The following CHST8 variants were observed in gnomAD, a reference collection of about 807,000 sequenced individuals.
CHST8 encodes carbohydrate sulfotransferase 8.
A neutral mutation model predicts 15.0 loss-of-function variants in CHST8; 10 were observed. That is an observed-to-expected ratio of 0.67 (90% confidence interval 0.41 to 1.13). The LOEUF (loss-of-function observed/expected upper bound fraction) is 1.13. Among genes scored for constraint, CHST8 ranks in the 50% most tolerant of loss-of-function variants. The pLI, the probability that CHST8 is intolerant of heterozygous loss-of-function variation, is 0.00. For missense variants in CHST8, 634 were observed against 608.2 expected (o/e 1.04, Z -0.45); for synonymous variants, 259 against 256.6 (o/e 1.01, Z -0.09).
At chr19:33,770,583 A>G (rs1225713913) in intron 3 of CHST8, among the ~76,000 whole-genome samples, 1 of 152,226 alleles carries the variant, frequency 6.6e-6, no homozygotes, top group Non-Finnish European at 1.5e-5. Flanking sequence ...TGCTCTGGCC[A>G]AAGGTTCACC....
chr19:33,669,522 C>T (rs1048735289), intron 2 of CHST8, among the ~76,000 whole-genome samples: 1 of 152,164 alleles, frequency 6.6e-6, no homozygotes, highest in African/African-American at 2.4e-5. Context: ...TCCTGCAAAG[C>T]TCCATTCTCT....
chr19:33,625,789 G>A (rs1460163669), intron 1 of CHST8, among the ~76,000 whole-genome samples: 1 of 152,148 alleles, frequency 6.6e-6, no homozygotes, highest in East Asian at 1.9e-4. Context: ...TTGAACCTGG[G>A]AGACAGAAGT....
At chr19:33,704,866 C>T (rs141283598) in intron 3 of CHST8, among the ~76,000 whole-genome samples, 2 of 149,024 alleles carry the variant, frequency 1.3e-5, no homozygotes, top group East Asian at 3.9e-4. Flanking sequence ...GCTGAAATCA[C>T]GCACTACATT....
At chr19:33,721,778 G>T (rs560529211) in intron 3 of CHST8, among the ~76,000 whole-genome samples, 1 of 151,600 alleles carries the variant, frequency 6.6e-6, no homozygotes, top group African/African-American at 2.4e-5. Flanking sequence ...AGATGGGTAG[G>T]TGAGTGGGCA....
chr19:33,717,648 G>A (rs1171407403), intron 3 of CHST8, among the ~76,000 whole-genome samples: 2 of 152,104 alleles, frequency 1.3e-5, no homozygotes, highest in African/African-American at 4.8e-5. Flanking sequence ...ACCAAACATG[G>A]GTGGTCTCGG....
At position 33,723,626 on chromosome 19, in the gene CHST8, A is replaced by G. The variant is rs563995488; in HGVS notation, c.130+34235A>G. On this transcript the variant is annotated intron_variant, in intron 3 of 4. Transcript: ENST00000650847. ...GAGAAAGCAGGTGCCTGTAGAAGGA[A>G]GGCAGTCTGAGGGTGAAGGATCCTG... Among the ~76,000 whole-genome samples the G allele has an allele frequency of 3.3e-5, 5 of 152,290 alleles. No individual in the cohort carries two copies. The East Asian group carries it at 5.8e-4, about 18-fold the overall frequency.
At chr19:33,732,884 C>T (rs772791824) in intron 3 of CHST8, among the ~76,000 whole-genome samples, 3 of 152,194 alleles carry the variant, frequency 2.0e-5, no homozygotes, top group African/African-American at 7.2e-5. Flanking sequence ...GTACCTCCTT[C>T]ATGGAGGGCA....
In CHST8 at chr19:33,627,391, C is replaced by T. The variant is rs542442566; in HGVS notation, c.-164+5095C>T. ...GCTCCCAAAGTGCTGGGTTTATAGG[C>T]GTGAGCCAGCACGCCCGACCCTTTT... is the stretch of plus-strand genomic sequence containing the variant. On this transcript the variant is annotated intron_variant, in intron 1 of 4. Coordinates refer to ENST00000650847, the MANE Select transcript of CHST8 (RefSeq NM_001127895.2). Among the ~76,000 whole-genome samples the T allele has an allele frequency of 5.3e-5, 8 of 151,452 alleles. No individual in the cohort carries two copies. The East Asian group carries it at 1.4e-3, about 26-fold the overall frequency.
At chr19:33,658,556 C>T (rs1448629876) in intron 1 of CHST8, among the ~76,000 whole-genome samples, 2 of 152,088 alleles carry the variant, frequency 1.3e-5, no homozygotes, top group African/African-American at 2.4e-5. Flanking sequence ...AGTAGGATGA[C>T]CTTTACTTTC....
At chr19:33,623,679 G>A (rs1972015643) in intron 1 of CHST8, among the ~76,000 whole-genome samples, 1 of 152,196 alleles carries the variant, frequency 6.6e-6, no homozygotes, top group Non-Finnish European at 1.5e-5. Flanking sequence ...CAGGGCACCC[G>A]TGGAGCAGGT....
At chr19:33,701,294 G>A (rs183508982) in intron 3 of CHST8, among the ~76,000 whole-genome samples, 34 of 152,162 alleles carry the variant, frequency 2.2e-4, no homozygotes, top group Non-Finnish European at 4.0e-4. Context: ...GTGAATATTC[G>A]CCTCTTCCTG....
chr19:33,765,200 A>G (rs1236440200), intron 3 of CHST8, among the ~76,000 whole-genome samples: 1 of 151,738 alleles, frequency 6.6e-6, no homozygotes, highest in African/African-American at 2.4e-5. Flanking sequence ...CTGTGTGAAG[A>G]CGAAGCAGAG....
At chr19:33,648,342 A>G (rs1972381256) in intron 1 of CHST8, among the ~76,000 whole-genome samples, 1 of 151,342 alleles carries the variant, frequency 6.6e-6, no homozygotes, top group African/African-American at 2.4e-5. Flanking sequence ...ATTCCACAAC[A>G]TTTTCATCAC....
chr19:33,653,075 C>A (rs541588760), intron 1 of CHST8, among the ~76,000 whole-genome samples: 1 of 152,144 alleles, frequency 6.6e-6, no homozygotes, highest in African/African-American at 2.4e-5. Context: ...AGCTGTTTAC[C>A]AGTTTCTTTT....
chr19:33,689,620 T>C (rs1973059225), intron 3 of CHST8, among the ~76,000 whole-genome samples: 1 of 152,204 alleles, frequency 6.6e-6, no homozygotes, highest in African/African-American at 2.4e-5. Context: ...GTGGCCCCTT[T>C]TGGGAGTCAT....
At chr19:33,666,289 A>ATGTG (rs140202974) in intron 1 of CHST8, among the ~76,000 whole-genome samples, 10 of 151,312 alleles carry the variant, frequency 6.6e-5, no homozygotes, top group East Asian at 5.8e-4. Flanking sequence ...GAGTGTGAGC[A>ATGTG]TGTGTGTGTG....
intron 3 of CHST8, among the ~76,000 whole-genome samples, chr19:33,750,941 G>A (rs1474154828): frequency 6.6e-6 from 1 of 151,836 alleles, no homozygotes; most frequent in Non-Finnish European, 1.5e-5. Context: ...CCAAGCCAGG[G>A]AGGGCCTGAG....
intron 1 of CHST8, among the ~76,000 whole-genome samples, chr19:33,642,876 T>C (rs1972301847): frequency 6.6e-6 from 1 of 152,254 alleles, no homozygotes; most frequent in Admixed American, 6.5e-5. Context: ...GCACATAACC[T>C]GTTTAATCAC....
At chr19:33,656,040 A>G (rs1600240758) in intron 1 of CHST8, among the ~76,000 whole-genome samples, 1 of 152,204 alleles carries the variant, frequency 6.6e-6, no homozygotes, top group African/African-American at 2.4e-5. Flanking sequence ...AGTTCTGGCC[A>G]CATTCCGTAA....
Sources: allele counts gnomAD v4.1 joint callset (sites outside exome capture counted in the v4.1 genomes callset), GRCh38; gene constraint gnomAD v4.1.1; transcripts MANE v1.5; gene names NCBI Gene and HGNC (gene_info 2026-07-23, HGNC 2026-07-21).